Variants in REDIC1 observed in about 807,000 individuals in gnomAD.
The protein encoded by REDIC1 is HEI10 Interacting Protein 1.
chr12:39,641,078 A>C, the REDIC1 span: 1 of 1,076,230 alleles, frequency 9.3e-7, no homozygotes, highest in Non-Finnish European at 1.4e-6. Context: ...ACATTCACCT[A>C]AGTGAAACTG....
chr12:39,812,097 G>C, the REDIC1 span, among the ~76,000 whole-genome samples: 1 of 152,006 alleles, frequency 6.6e-6, no homozygotes, highest in Non-Finnish European at 1.5e-5. Flanking sequence ...TATTTCTCAG[G>C]GTTTTGGAGG....
At chr12:39,769,573 G>A in the REDIC1 span, among the ~76,000 whole-genome samples, 1 of 151,902 alleles carries the variant, frequency 6.6e-6, no homozygotes, top group Non-Finnish European at 1.5e-5. Flanking sequence ...TCCCTCCGGT[G>A]GTACAAGTCT....
At chr12:39,664,054 G>C in the REDIC1 span, among the ~76,000 whole-genome samples, 1 of 149,572 alleles carries the variant, frequency 6.7e-6, no homozygotes, top group Non-Finnish European at 1.5e-5. Context: ...CTTCTCTCTT[G>C]TTTTTAGAAT....
chr12:39,727,473 T>C, the REDIC1 span, among the ~76,000 whole-genome samples: 1 of 152,164 alleles, frequency 6.6e-6, no homozygotes, highest in East Asian at 1.9e-4. Flanking sequence ...ATGTGTGGCA[T>C]TATTTCTGAG....
At chr12:39,869,211 G>T in the REDIC1 span, among the ~76,000 whole-genome samples, 1 of 152,192 alleles carries the variant, frequency 6.6e-6, no homozygotes, top group Non-Finnish European at 1.5e-5. Context: ...AAAATCAATT[G>T]TGAGTGAGGG....
At chr12:39,704,572 G>C in the REDIC1 span, among the ~76,000 whole-genome samples, 1 of 151,902 alleles carries the variant, frequency 6.6e-6, no homozygotes, top group Non-Finnish European at 1.5e-5. Flanking sequence ...CCATTACTGG[G>C]TATATACCCA....
At chr12:39,720,279 TTA>T in the REDIC1 span, among the ~76,000 whole-genome samples, 9 of 150,696 alleles carry the variant, frequency 6.0e-5, no homozygotes, top group Admixed American at 6.6e-5. Context: ...CTTCTTAAGA[TTA>T]TATATATATA....
chr12:39,888,794 A>G, the REDIC1 span, among the ~76,000 whole-genome samples: 2 of 152,280 alleles, frequency 1.3e-5, no homozygotes, highest in South Asian at 4.1e-4. Flanking sequence ...CCAAAATTTT[A>G]TAATATTATA....
At chr12:39,661,925 TTGTGACACCTTTGTCAACAATCAGTTGGC>T in the REDIC1 span, among the ~76,000 whole-genome samples, 1 of 152,164 alleles carries the variant, frequency 6.6e-6, no homozygotes, top group Non-Finnish European at 1.5e-5. Context: ...CAAGATATAT[TTGTGACACCTTTGTCAACAATCAGTTGGC>T]TGTAAATATA....
chr12:39,776,960 A>T, the REDIC1 span, among the ~76,000 whole-genome samples: 1 of 152,188 alleles, frequency 6.6e-6, no homozygotes, highest in East Asian at 1.9e-4. Context: ...AATTTTTTAT[A>T]GACATGGCAT....
the REDIC1 span, among the ~76,000 whole-genome samples, chr12:39,816,659 G>A: frequency 6.8e-6 from 1 of 146,612 alleles, no homozygotes; most frequent in South Asian, 2.1e-4. Context: ...TGTATTTTAG[G>A]GTATAAAGGA....
the REDIC1 span, among the ~76,000 whole-genome samples, chr12:39,685,113 G>A: frequency 5.3e-5 from 8 of 152,136 alleles, no homozygotes; most frequent in Admixed American, 1.3e-4. Context: ...ATAAAAACAC[G>A]TTTTCAGAGA....
the REDIC1 span, among the ~76,000 whole-genome samples, chr12:39,713,808 T>G: frequency 6.7e-6 from 1 of 148,728 alleles, no homozygotes; most frequent in African/African-American, 2.4e-5. Flanking sequence ...TATATGCATG[T>G]GTATATATAC....
At chr12:39,747,186 T>C in the REDIC1 span, among the ~76,000 whole-genome samples, 3 of 152,256 alleles carry the variant, frequency 2.0e-5, no homozygotes, top group East Asian at 3.9e-4. Flanking sequence ...GAAAAAAGAT[T>C]AGATGAATAG....
the REDIC1 span, chr12:39,647,916 T>TCA: frequency 1.2e-6 from 2 of 1,607,676 alleles, no homozygotes; most frequent in South Asian, 2.2e-5. Context: ...AAACTAAATT[T>TCA]CACATCTGGA....
the REDIC1 span, among the ~76,000 whole-genome samples, chr12:39,643,391 A>G: frequency 6.6e-6 from 1 of 151,546 alleles, no homozygotes; most frequent in African/African-American, 2.4e-5. Context: ...TCAGCTGTGC[A>G]TATTTTTAAG....
chr12:39,664,842 T>C, the REDIC1 span, among the ~76,000 whole-genome samples: 1 of 152,234 alleles, frequency 6.6e-6, no homozygotes, highest in Non-Finnish European at 1.5e-5. Context: ...ATGAGCATTT[T>C]TTCATGTGTC....
the REDIC1 span, among the ~76,000 whole-genome samples, chr12:39,766,862 G>A: frequency 4.3e-3 from 648 of 152,072 alleles, 4 homozygotes; most frequent in Admixed American, 7.0e-3. Context: ...TTTAGGCTTC[G>A]CTTCTACAAT....
At chr12:39,629,845 T>A in the REDIC1 span, among the ~76,000 whole-genome samples, 2 of 152,256 alleles carry the variant, frequency 1.3e-5, no homozygotes, top group East Asian at 3.9e-4. Context: ...TAATAGCAGG[T>A]TTTTCAATTT....
Sources: gnomAD v4.1 joint callset for allele counts (sites outside exome capture counted in the v4.1 genomes callset) on GRCh38, gnomAD v4.1.1 for gene constraint, MANE v1.5 for transcripts, NCBI Gene and HGNC (gene_info 2026-07-23, HGNC 2026-07-21) for gene names.